The following KLRG1 variants were observed in gnomAD, a reference collection of about 807,000 sequenced individuals.
The protein encoded by KLRG1 is killer cell lectin like receptor G1.
KLRG1 carries 16 observed loss-of-function variants against 21.8 expected under a neutral mutation model. That is an observed-to-expected ratio of 0.73 (90% CI 0.50 to 1.11). KLRG1 has a LOEUF of 1.11. Ranked by LOEUF, KLRG1 falls within the 50% of genes most tolerant of loss-of-function variation. The probability of loss-of-function intolerance (pLI) is 0.00; values close to 1 mark genes in which losing one functional copy is unlikely to be tolerated. For synonymous variants in KLRG1, 69 were observed against 75.9 expected (o/e 0.91, Z 0.47); for missense variants, 173 against 218.3 (o/e 0.79, Z 1.31).
At chr12:8,987,356 CTCTT>C (rs1269942136), upstream of KLRG1, 6 of 152,208 alleles carry the variant, frequency 3.9e-5, no homozygotes, top group Admixed American at 3.9e-4. Context: ...AGAGCCCTCT[CTCTT>C]TCTTCCCTTG....
At chr12:9,074,087 TAAAAAA>T in the KLRG1 span, among the ~76,000 whole-genome samples, 21 of 131,578 alleles carry the variant, frequency 1.6e-4, no homozygotes, top group Admixed American at 2.3e-4. Context: ...GACTCTGTCT[TAAAAAA>T]AAAAAAAAAA....
the KLRG1 span, among the ~76,000 whole-genome samples, chr12:9,119,847 C>T: frequency 6.6e-6 from 1 of 152,130 alleles, no homozygotes; most frequent in Non-Finnish European, 1.5e-5. Context: ...TTACTAAAAT[C>T]GCCTTTCACC....
At chr12:9,134,764 C>T in the KLRG1 span, among the ~76,000 whole-genome samples, 1 of 152,144 alleles carries the variant, frequency 6.6e-6, no homozygotes, top group African/African-American at 2.4e-5. Flanking sequence ...AAGAAGTTCG[C>T]CCTTCGGTGC....
At chr12:9,147,977 T>C in the KLRG1 span, among the ~76,000 whole-genome samples, 1 of 152,156 alleles carries the variant, frequency 6.6e-6, no homozygotes, top group Non-Finnish European at 1.5e-5. Context: ...GATAATGTCA[T>C]TCTTGCCTCT....
the KLRG1 span, chr12:9,068,677 C>A: frequency 8.6e-4 from 1,152 of 1,334,692 alleles, no homozygotes; most frequent in Admixed American, 1.4e-3. Context: ...CAACACATCT[C>A]CTAAACCTGA....
chr12:8,957,100 A>C (rs769255253), intron 1 of KLRG1, among the ~76,000 whole-genome samples: 1 of 152,258 alleles, frequency 6.6e-6, no homozygotes, highest in African/African-American at 2.4e-5. Flanking sequence ...ATCCTGTGTC[A>C]ATAGCATGTT....
the KLRG1 span, chr12:9,028,123 C>G: frequency 2.4e-6 from 2 of 818,264 alleles, no homozygotes; most frequent in South Asian, 2.7e-5. Context: ...TCAAAATTAT[C>G]TGTTCTTCAG....
At chr12:9,094,325 GAAA>G in the KLRG1 span, among the ~76,000 whole-genome samples, 1 of 94,372 alleles carries the variant, frequency 1.1e-5, no homozygotes, top group African/African-American at 4.0e-5. Flanking sequence ...CAGCTCTCTG[GAAA>G]AAAAAATTGT....
At chr12:8,952,090 T>C (rs1265596000) in intron 1 of KLRG1, among the ~76,000 whole-genome samples, 1 of 152,206 alleles carries the variant, frequency 6.6e-6, no homozygotes, top group African/African-American at 2.4e-5. Context: ...TTTGTTTGTT[T>C]GTTTGCATTT....
chr12:9,136,106 G>A, the KLRG1 span, among the ~76,000 whole-genome samples: 2 of 152,156 alleles, frequency 1.3e-5, no homozygotes, highest in African/African-American at 4.8e-5. Context: ...TGGGAAAATG[G>A]TCAGACTTTG....
At chr12:9,194,464 T>C in the KLRG1 span, among the ~76,000 whole-genome samples, 41 of 8,266 alleles carry the variant, frequency 5.0e-3, no homozygotes, top group African/African-American at 6.9e-3. Context: ...GTCAGGGAGT[T>C]TTTTTTTTTT....
the KLRG1 span, among the ~76,000 whole-genome samples, chr12:9,184,837 A>G: frequency 6.6e-6 from 1 of 152,166 alleles, no homozygotes; most frequent in Non-Finnish European, 1.5e-5. Context: ...ACTGCCCCCA[A>G]ATCTTCTGGT....
At chr12:8,999,760 C>T (rs137895324) in intron 3 of KLRG1, among the ~76,000 whole-genome samples, 5 of 152,220 alleles carry the variant, frequency 3.3e-5, no homozygotes, top group East Asian at 1.9e-4. Flanking sequence ...CTAGACTGTC[C>T]GGGCGTGGTG....
the KLRG1 span, among the ~76,000 whole-genome samples, chr12:9,115,590 G>T: frequency 6.6e-6 from 1 of 152,126 alleles, no homozygotes; most frequent in African/African-American, 2.4e-5. Context: ...AGTTGGGGAA[G>T]AATGATTAAA....
At chr12:8,965,874 T>C (rs927888940) in intron 1 of KLRG1, among the ~76,000 whole-genome samples, 1 of 152,136 alleles carries the variant, frequency 6.6e-6, no homozygotes, top group Admixed American at 6.5e-5. Flanking sequence ...GAGTCCACAT[T>C]GCCAAGTCAA....
At chr12:9,152,412 G>T in the KLRG1 span, 2 of 848,198 alleles carry the variant, frequency 2.4e-6, no homozygotes, top group Middle Eastern at 2.5e-4. Flanking sequence ...TCAAGAAGTT[G>T]TCCCTAATAT....
the KLRG1 span, among the ~76,000 whole-genome samples, chr12:9,030,980 AG>A: frequency 1.3e-5 from 2 of 152,246 alleles, no homozygotes; most frequent in East Asian, 1.9e-4. Flanking sequence ...ATCTCCCGGC[AG>A]GGGGTAGTGA....
the KLRG1 span, among the ~76,000 whole-genome samples, chr12:9,123,328 T>G: frequency 1.3e-5 from 2 of 152,150 alleles, no homozygotes; most frequent in Non-Finnish European, 2.9e-5. Context: ...TTAACAAAAC[T>G]GATAATAGAA....
At chr12:9,199,597 C>T in the KLRG1 span, among the ~76,000 whole-genome samples, 2 of 152,012 alleles carry the variant, frequency 1.3e-5, no homozygotes, top group African/African-American at 2.4e-5. Context: ...AACAAACAGG[C>T]AGATTCTGCA....
Sources: gnomAD v4.1 joint callset for allele counts (sites outside exome capture counted in the v4.1 genomes callset) on GRCh38, gnomAD v4.1.1 for gene constraint, MANE v1.5 for transcripts, NCBI Gene and HGNC (gene_info 2026-07-23, HGNC 2026-07-21) for gene names.